GRIN2B: variants seen among roughly 807,000 people sequenced by gnomAD.
The protein encoded by GRIN2B is glutamate ionotropic receptor NMDA type subunit 2B.
GRIN2B carries 5 observed loss-of-function variants against 114.5 expected under a neutral mutation model. That is an observed-to-expected ratio of 0.04 (90% confidence interval 0.02 to 0.09). The LOEUF is 0.09. GRIN2B is among the 10% of genes least tolerant of loss of function. The probability of loss-of-function intolerance (pLI) is 1.00; values close to 1 mark genes in which losing one functional copy is unlikely to be tolerated. For missense variants in GRIN2B, 1,108 were observed against 1,943.5 expected, an observed-to-expected ratio of 0.57 and a Z score of 8.08; for synonymous variants, 787 against 745.1, an observed-to-expected ratio of 1.06 and a Z score of -0.92.
At chr12:13,897,686 A>G (rs909665281) in intron 2 of GRIN2B, among the ~76,000 whole-genome samples, 1 of 152,166 alleles carries the variant, frequency 6.6e-6, no homozygotes, top group African/African-American at 2.4e-5. Flanking sequence ...GGTAATCTTA[A>G]AGGTCTTTTC....
intron 3 of GRIN2B, among the ~76,000 whole-genome samples, chr12:13,861,705 C>A (rs572111665): frequency 6.6e-6 from 1 of 152,304 alleles, no homozygotes; most frequent in East Asian, 1.9e-4. Flanking sequence ...GACCAAGACT[C>A]CCACCTCACA....
At chr12:13,842,233 A>T (rs1460449878) in intron 3 of GRIN2B, among the ~76,000 whole-genome samples, 1 of 152,230 alleles carries the variant, frequency 6.6e-6, no homozygotes, top group African/African-American at 2.4e-5. Context: ...GTTACAGTTC[A>T]GACTTCTGTT....
intron 10 of GRIN2B, among the ~76,000 whole-genome samples, chr12:13,586,231 A>C (rs1163203932): frequency 1.3e-5 from 2 of 152,356 alleles, no homozygotes; most frequent in South Asian, 4.1e-4. Flanking sequence ...TTAAGACACA[A>C]AAGACCATAC....
At position 13,561,628 on chromosome 12, in the gene GRIN2B, C is replaced by T. The variant is rs1313601322; in HGVS notation, c.*1155G>A. ...CGTTCTTCCCCAAACCTTGGCCAGTCGAGAGTCTAAATGCTCAAAAGAGCT... is the reference window on the plus strand; with the variant it reads ...CGTTCTTCCCCAAACCTTGGCCAGTTGAGAGTCTAAATGCTCAAAAGAGCT... On this transcript the variant is annotated 3_prime_UTR_variant, in exon 14 of 14. Coordinates refer to ENST00000609686, the MANE Select transcript of GRIN2B (RefSeq NM_000834.5). 3 of 152,664 alleles carry T rather than the reference C, an allele frequency of 2.0e-5. No individual in the cohort carries two copies. Among genetic ancestry groups the T allele is most frequent in the African/African-American group, 7.2e-5 (3 of 41,544 alleles). The allele number at this position is 152,664 out of a possible 1,614,324, so 9.5% of individuals were successfully genotyped here.
At chr12:13,679,478 C>T (rs1317935677) in intron 4 of GRIN2B, among the ~76,000 whole-genome samples, 4 of 152,132 alleles carry the variant, frequency 2.6e-5, no homozygotes, top group Non-Finnish European at 5.9e-5. Flanking sequence ...CTGGGGTGCT[C>T]CTCCTCTTCC....
chr12:13,792,110 C>T (rs1325017887), intron 3 of GRIN2B, among the ~76,000 whole-genome samples: 1 of 152,224 alleles, frequency 6.6e-6, no homozygotes, highest in Non-Finnish European at 1.5e-5. Context: ...AAATGTCTGC[C>T]GTGACTGATG....
chr12:13,571,866 A>G lies in GRIN2B; in HGVS notation c.2109T>C (p.His703=). ...RNIRNNYAEM[H]AYMGKFNQRG... Reference sequence around the variant, plus strand: ...TCTGGTTGAACTTTCCCATGTAGGCATGCATTTCTGCATAGTTATTGCGAA... The same window carrying G: ...TCTGGTTGAACTTTCCCATGTAGGCGTGCATTTCTGCATAGTTATTGCGAA... Residue 703 remains histidine (H), a synonymous_variant, in exon 11 of 14, where the codon CAT becomes CAC. Transcript: ENST00000609686. 1.2e-6 allele frequency: 2 copies of G among 1,614,110 alleles called. No homozygotes were observed. Among genetic ancestry groups the G allele is most frequent in the Admixed American group, 3.3e-5 (2 of 60,024 alleles).
intron 2 of GRIN2B, among the ~76,000 whole-genome samples, chr12:13,918,435 G>A (rs184423340): frequency 3.3e-5 from 5 of 152,246 alleles, no homozygotes; most frequent in Admixed American, 3.3e-4. Context: ...AAAATAGTCA[G>A]TACTCAACAA....
Position 13,548,620 on chromosome 12 carries a change from A to C in GRIN2B, c.*14163T>G, listed in dbSNP as rs1948374719. 6.6e-6 allele frequency: 1 copy of C among 152,012 alleles called. No homozygotes were observed. Among genetic ancestry groups the C allele is most frequent in the South Asian group, 2.1e-4 (1 of 4,820 alleles). The allele number at this position is 152,012 out of a possible 1,614,324, so 9.4% of individuals were successfully genotyped here. ...TCATGATCCAGGTATCTGTAATGAC[A>C]CTCATGAAAAAGATGAAGTCACCAC... On this transcript the variant is annotated 3_prime_UTR_variant, in exon 14 of 14. Coordinates refer to ENST00000609686, the MANE Select transcript of GRIN2B (RefSeq NM_000834.5).
intron 2 of GRIN2B, among the ~76,000 whole-genome samples, chr12:13,953,355 T>A (rs567929649): frequency 1.3e-5 from 2 of 152,286 alleles, no homozygotes; most frequent in Non-Finnish European, 2.9e-5. Context: ...CACACCATGA[T>A]GTGCAGTAAT....
In GRIN2B at chr12:13,786,554, A is replaced by T. The variant is rs568115355; in HGVS notation, c.412-32639T>A. Among the ~76,000 whole-genome samples, 4 of 152,256 alleles carry T rather than the reference A, an allele frequency of 2.6e-5. No individual in the cohort carries two copies. The South Asian group carries it at 8.3e-4, about 32-fold the overall frequency. On this transcript the variant is annotated intron_variant, in intron 3 of 13. Coordinates refer to ENST00000609686, the MANE Select transcript of GRIN2B (RefSeq NM_000834.5). ...CCTGAGTCCTGGCGGACACACTTAC[A>T]TACTTAAGAAAGCAGACCTGCCATT...
chr12:13,562,008 G>T lies in GRIN2B; in HGVS notation c.*775C>A, dbSNP rs577229288. 4 of 152,710 alleles carry T rather than the reference G, an allele frequency of 2.6e-5. 1 individual carries two copies. In the South Asian group the frequency reaches 8.3e-4, roughly 32 times the overall value. 9.5% of individuals were successfully genotyped at this position (152,710 alleles called of 1,614,324 possible). ...AAGAGTCAAGGTTGCCTTCTCTTGA[G>T]GCACCTGACTACACATGGGTGCAAG... On this transcript the variant is annotated 3_prime_UTR_variant, in exon 14 of 14. Transcript: ENST00000609686.
intron 4 of GRIN2B, among the ~76,000 whole-genome samples, chr12:13,677,589 T>A (rs1950087392): frequency 6.6e-6 from 1 of 152,144 alleles, no homozygotes; most frequent in Non-Finnish European, 1.5e-5. Flanking sequence ...GCCTACCACT[T>A]CTTACAGTTT....
At chr12:13,769,350 A>C (rs192736611) in intron 3 of GRIN2B, among the ~76,000 whole-genome samples, 100 of 151,966 alleles carry the variant, frequency 6.6e-4, no homozygotes, top group Non-Finnish European at 1.3e-4. Flanking sequence ...GTCTGGTTGT[A>C]ATATTCATTC....
At chr12:13,674,219 G>C (rs943240653) in intron 5 of GRIN2B, among the ~76,000 whole-genome samples, 1 of 152,000 alleles carries the variant, frequency 6.6e-6, no homozygotes, top group South Asian at 2.1e-4. Context: ...AGTTGGCCAG[G>C]CATGGTGATA....
chr12:13,839,315 G>T (rs532561065), intron 3 of GRIN2B, among the ~76,000 whole-genome samples: 1 of 152,350 alleles, frequency 6.6e-6, no homozygotes, highest in South Asian at 2.1e-4. Flanking sequence ...GAATGAGAGT[G>T]ATGGAGCCCA....
At chr12:13,623,687 AC>A (rs1047945499) in intron 5 of GRIN2B, among the ~76,000 whole-genome samples, 1 of 151,878 alleles carries the variant, frequency 6.6e-6, no homozygotes, top group Admixed American at 6.6e-5. Flanking sequence ...TATGATAGTA[AC>A]CCTTCATCTC....
At chr12:13,977,096 A>T (rs1298354140) in intron 2 of GRIN2B, among the ~76,000 whole-genome samples, 1 of 152,216 alleles carries the variant, frequency 6.6e-6, no homozygotes, top group African/African-American at 2.4e-5. Context: ...CGCTCTTCTC[A>T]ATCAGCCTTA....
intron 2 of GRIN2B, among the ~76,000 whole-genome samples, chr12:13,951,840 G>C (rs561657765): frequency 4.6e-5 from 7 of 152,188 alleles, no homozygotes; most frequent in Non-Finnish European, 1.0e-4. Context: ...TGTGGCTTCT[G>C]TAAGGGAATT....
Sources: gnomAD v4.1 joint callset for allele counts (sites outside exome capture counted in the v4.1 genomes callset) on GRCh38, gnomAD v4.1.1 for gene constraint, MANE v1.5 for transcripts, NCBI Gene and HGNC (gene_info 2026-07-23, HGNC 2026-07-21) for gene names.